G2E3: variants seen among roughly 807,000 people sequenced by gnomAD.
The protein encoded by G2E3 is G2/M phase-specific E3 ubiquitin-protein ligase.
Under a neutral mutation model 92.8 loss-of-function variants are expected in G2E3, and 35 were observed. The ratio of observed to expected loss-of-function variants is 0.38; its 90% CI spans 0.29 to 0.50. The LOEUF is 0.50. Among genes scored for constraint, G2E3 ranks in the 20% least tolerant of loss-of-function variants. G2E3 has a pLI of 0.94. For synonymous variants in G2E3, 242 were observed against 272.4 expected (o/e 0.89, Z 1.10); for missense variants, 554 against 823.8 (o/e 0.67, Z 4.01).
intron 1 of G2E3, among the ~76,000 whole-genome samples, chr14:30,577,592 T>A (rs1178145945): frequency 6.6e-6 from 1 of 152,222 alleles, no homozygotes; most frequent in Non-Finnish European, 1.5e-5. Context: ...TGGCCTCCAT[T>A]CCTTACCAAC....
chr14:30,560,963 C>T (rs990872550), intron 1 of G2E3: 5 of 604,568 alleles, frequency 8.3e-6, no homozygotes, highest in Middle Eastern at 2.7e-4. Flanking sequence ...CCCATCTCCA[C>T]CACTTGATAG....
intron 4 of G2E3, chr14:30,590,654 A>T: frequency 2.2e-6 from 1 of 455,594 alleles, no homozygotes; most frequent in South Asian, 1.6e-5. Flanking sequence ...ATTTTTGAAG[A>T]TATCAAGAAG....
rs967805511 is a variant in G2E3 at position 30,618,769 on chromosome 14, GTTAT to G, written c.*2242_*2245del. The G allele has an allele frequency of 1.3e-5, 2 of 151,926 alleles. No individual in the cohort carries two copies. The highest frequency in any genetic ancestry group is 2.4e-5 in the African/African-American group (1 of 41,382). The allele number at this position is 151,926 out of a possible 1,614,324, so 9.4% of individuals were successfully genotyped here. On this transcript the variant is annotated 3_prime_UTR_variant, in exon 15 of 15. Transcript: ENST00000206595. ...CAAGGAATATCAGAGAAACCTGTAG[GTTAT>G]TTATTTTCTGCAGTGTCATTTTGTC... is the stretch of plus-strand genomic sequence containing the variant.
intron 8 of G2E3, among the ~76,000 whole-genome samples, chr14:30,599,353 G>T (rs868242549): frequency 6.6e-6 from 1 of 152,028 alleles, no homozygotes; most frequent in African/African-American, 2.4e-5. Context: ...TCAGCCTCCC[G>T]AGTAGTTGGG....
At chr14:30,562,052 T>C (rs1879132196) in intron 1 of G2E3, among the ~76,000 whole-genome samples, 2 of 152,274 alleles carry the variant, frequency 1.3e-5, no homozygotes, top group South Asian at 4.1e-4. Context: ...TTTATACATA[T>C]TTTCTCACTT....
At chr14:30,567,098 G>C (rs2138770170) in intron 1 of G2E3, among the ~76,000 whole-genome samples, 1 of 152,212 alleles carries the variant, frequency 6.6e-6, no homozygotes, top group East Asian at 1.9e-4. Context: ...AAGGATATTT[G>C]CATCTATGTT....
chr14:30,591,750 T>G (rs966721067), intron 4 of G2E3, among the ~76,000 whole-genome samples: 2 of 152,184 alleles, frequency 1.3e-5, no homozygotes, highest in Non-Finnish European at 2.9e-5. Flanking sequence ...CTCAAGATCC[T>G]TAACTTAATT....
chr14:30,575,964 C>T (rs1880061439), intron 1 of G2E3, among the ~76,000 whole-genome samples: 1 of 152,132 alleles, frequency 6.6e-6, no homozygotes, highest in Non-Finnish European at 1.5e-5. Flanking sequence ...TACAGATTCA[C>T]TGCTATTCCT....
chr14:30,570,945 G>A (rs1034737591), intron 1 of G2E3, among the ~76,000 whole-genome samples: 2 of 152,076 alleles, frequency 1.3e-5, no homozygotes, highest in South Asian at 4.1e-4. Flanking sequence ...TCTCTTAACA[G>A]TGTCTTTTGA....
At chr14:30,593,163 C>T (rs1881103793) in intron 5 of G2E3, among the ~76,000 whole-genome samples, 1 of 152,044 alleles carries the variant, frequency 6.6e-6, no homozygotes, top group Non-Finnish European at 1.5e-5. Flanking sequence ...ACGTATGCAC[C>T]CATTTGTTGA....
intron 14 of G2E3, 87 bp downstream of exon 14, chr14:30,615,626 C>A: frequency 1.2e-6 from 1 of 823,218 alleles, no homozygotes; most frequent in Non-Finnish European, 1.8e-6. Context: ...GTATGTTTTG[C>A]CTTTTGGTAT....
At chr14:30,563,385 C>T (rs1879232421) in intron 1 of G2E3, among the ~76,000 whole-genome samples, 1 of 152,084 alleles carries the variant, frequency 6.6e-6, no homozygotes, top group Non-Finnish European at 1.5e-5. Context: ...AAGCCCCATA[C>T]CACTTAAAGT....
intron 1 of G2E3, among the ~76,000 whole-genome samples, chr14:30,567,300 A>G (rs546357699): frequency 2.0e-5 from 3 of 151,930 alleles, no homozygotes; most frequent in Non-Finnish European, 4.4e-5. Flanking sequence ...CTGGGCTAGG[A>G]CTTTATTCGT....
chr14:30,592,048 A>G (rs1360352554), intron 4 of G2E3, among the ~76,000 whole-genome samples: 1 of 152,134 alleles, frequency 6.6e-6, no homozygotes, highest in Non-Finnish European at 1.5e-5. Context: ...AAAATATTTT[A>G]GTAGGAAGGA....
intron 1 of G2E3, among the ~76,000 whole-genome samples, chr14:30,566,561 T>A (rs141018669): frequency 6.6e-6 from 1 of 152,356 alleles, no homozygotes; most frequent in East Asian, 1.9e-4. Context: ...GAAATACAAC[T>A]GATATTTGTG....
chr14:30,614,981 G>A (rs1009284330), intron 13 of G2E3, among the ~76,000 whole-genome samples: 3 of 152,006 alleles, frequency 2.0e-5, no homozygotes, highest in African/African-American at 7.2e-5. Context: ...GGTAATATCT[G>A]GGAAACTTTA....
intron 6 of G2E3, among the ~76,000 whole-genome samples, chr14:30,594,624 C>T (rs890981520): frequency 2.0e-5 from 3 of 151,718 alleles, no homozygotes; most frequent in South Asian, 2.1e-4. Context: ...ACCCGGAAGA[C>T]GGAGCTTGCA....
At chr14:30,573,034 T>C (rs1192432680) in intron 1 of G2E3, among the ~76,000 whole-genome samples, 1 of 152,090 alleles carries the variant, frequency 6.6e-6, no homozygotes, top group Non-Finnish European at 1.5e-5. Flanking sequence ...GGTCTCACTA[T>C]GTTGCTCAAG....
At chr14:30,595,458 A>G (rs144100998) in intron 6 of G2E3, among the ~76,000 whole-genome samples, 2 of 152,330 alleles carry the variant, frequency 1.3e-5, no homozygotes, top group African/African-American at 4.8e-5. Context: ...TTGACCTAGT[A>G]TCATTAAGGC....
Sources: gnomAD v4.1 joint callset for allele counts (sites outside exome capture counted in the v4.1 genomes callset) on GRCh38, gnomAD v4.1.1 for gene constraint, MANE v1.5 for transcripts, NCBI Gene and HGNC (gene_info 2026-07-23, HGNC 2026-07-21) for gene names.